The following KLHL6 variants were observed in gnomAD, a reference collection of about 807,000 sequenced individuals.
The protein encoded by KLHL6 is kelch like family member 6.
Under a neutral mutation model 58.6 loss-of-function variants are expected in KLHL6, and 41 were observed. The observed-to-expected ratio is 0.70, with a 90% CI of 0.55 to 0.91. The LOEUF (loss-of-function observed/expected upper bound fraction) is 0.91, where lower values mean the gene tolerates loss of function less well. Among genes scored for constraint, KLHL6 ranks in the 40% least tolerant of loss-of-function variants. The probability of loss-of-function intolerance (pLI) is 0.00; values close to 1 mark genes in which losing one functional copy is unlikely to be tolerated. For missense variants in KLHL6, 714 were observed against 805.6 expected, an observed-to-expected ratio of 0.89 and a Z score of 1.38; for synonymous variants, 338 against 322.7, an observed-to-expected ratio of 1.05 and a Z score of -0.51.
rs1484622190 is a variant in KLHL6, at chr3:183,555,561, G to A, written c.93C>T (p.Pro31=). The A allele has an allele frequency of 5.0e-6, 8 of 1,614,040 alleles. No individual in the cohort carries two copies. Among genetic ancestry groups the A allele is most frequent in the Admixed American group, 1.7e-5 (1 of 60,000 alleles). The change falls in exon 1 of 7, where the codon CCC becomes CCT. Residue 31 remains proline (P), a synonymous_variant. Transcript: ENST00000341319. ...CGACCAAGTCTCCTGTTTTCTGGGA[G>A]GGCTCATCTGTAGAAGGTGCCAGGG... The part of the protein sequence containing the change: ...EGPLAPSTDE[P]SQKTGDLVEI...
chr3:183,513,347 A>T (rs1011155551), intron 2 of KLHL6, among the ~76,000 whole-genome samples: 1 of 152,248 alleles, frequency 6.6e-6, no homozygotes, highest in Non-Finnish European at 1.5e-5. Context: ...GATAGAAGCA[A>T]AGTTTGGACC....
At chr3:183,535,155 G>A (rs1712322968) in intron 1 of KLHL6, among the ~76,000 whole-genome samples, 1 of 152,082 alleles carries the variant, frequency 6.6e-6, no homozygotes, top group South Asian at 2.1e-4. Context: ...ATGTTGGTCA[G>A]GCTGGTCTCA....
intron 1 of KLHL6, among the ~76,000 whole-genome samples, chr3:183,542,971 C>A (rs11922733): frequency 6.6e-6 from 1 of 152,010 alleles, no homozygotes; most frequent in African/African-American, 2.4e-5. Flanking sequence ...TTTTGCATTC[C>A]TTCCCCTCCA....
chr3:183,534,427 A>G lies in KLHL6; in HGVS notation c.294-6417T>C, dbSNP rs138662719. 6.1e-3 allele frequency among the ~76,000 whole-genome samples: 923 copies of G among 152,246 alleles called. 5 individuals carry two copies. Among genetic ancestry groups the G allele is most frequent in the African/African-American group, 0.021 (886 of 41,548 alleles). On this transcript the variant is annotated intron_variant, in intron 1 of 6. Coordinates refer to ENST00000341319, the MANE Select transcript of KLHL6 (RefSeq NM_130446.4). ...TGTTTGTTTGTTTGTTTTTTGAGAC[A>G]GAGTCTCACTCTGTTGCCCAGGCTG...
chr3:183,542,527 T>C (rs1240462847), intron 1 of KLHL6, among the ~76,000 whole-genome samples: 5 of 152,150 alleles, frequency 3.3e-5, no homozygotes, highest in African/African-American at 1.2e-4. Flanking sequence ...CTACTCATCC[T>C]TCAAAACTCC....
intron 2 of KLHL6, among the ~76,000 whole-genome samples, chr3:183,514,125 T>G (rs963970278): frequency 3.3e-5 from 5 of 152,106 alleles, no homozygotes; most frequent in African/African-American, 1.2e-4. Context: ...TGTACAGAGG[T>G]GAGCAGAGAC....
chr3:183,507,067 C>A (rs1718029839), intron 3 of KLHL6, among the ~76,000 whole-genome samples: 2 of 152,092 alleles, frequency 1.3e-5, no homozygotes, highest in South Asian at 4.1e-4. Context: ...GGAGAGGACA[C>A]TAGAGAAGCA....
At chr3:183,500,223 C>T (rs748572836) in intron 3 of KLHL6, among the ~76,000 whole-genome samples, 1 of 152,158 alleles carries the variant, frequency 6.6e-6, no homozygotes, top group Non-Finnish European at 1.5e-5. Flanking sequence ...TCCATTCCCC[C>T]TTGGCTTTAA....
chr3:183,516,220 G>C (rs78325341), intron 2 of KLHL6, among the ~76,000 whole-genome samples: 2 of 152,310 alleles, frequency 1.3e-5, no homozygotes, highest in Non-Finnish European at 2.9e-5. Flanking sequence ...AGTGTGAGGG[G>C]TGTAGGGCAA....
chr3:183,491,816 G>C lies in KLHL6; in HGVS notation c.*111C>G. 1.0e-6 allele frequency: 1 copy of C among 972,410 alleles called. No homozygotes were observed. The highest frequency in any genetic ancestry group is 1.4e-6 in the Non-Finnish European group (1 of 696,030). The allele number at this position is 972,410 out of a possible 1,614,324, so 60.2% of individuals were successfully genotyped here. A position where few individuals can be genotyped will look rare whatever the true frequency, so the allele number is the denominator to read the frequency against. On this transcript the variant is annotated 3_prime_UTR_variant, in exon 7 of 7. Transcript: ENST00000341319. ...CCAAAGTGAGTCAAGGGGATCCCCT[G>C]ATGTATGGCCTCAAACTCGAGCCTG...
chr3:183,507,464 C>G (rs1427437331), intron 3 of KLHL6, among the ~76,000 whole-genome samples: 5 of 152,080 alleles, frequency 3.3e-5, no homozygotes, highest in Non-Finnish European at 1.5e-5. Context: ...CAGAGTCTCC[C>G]TCTGTTGCCC....
At chr3:183,526,614 G>T (rs180799173) in intron 2 of KLHL6, among the ~76,000 whole-genome samples, 1 of 152,210 alleles carries the variant, frequency 6.6e-6, no homozygotes, top group African/African-American at 2.4e-5. Flanking sequence ...ATTTTTTGAG[G>T]CAAGGGATTA....
rs747600879 is a variant in KLHL6, at chr3:183,527,922, C to T, written c.382G>A (p.Asp128Asn). ...VDAETMHTLL[D>N]YTYTSKALIT... ...AGCGCCTTGCTGGTGTACGTGTAGT[C>T]CAACAGAGTGTGCATGGTCTCAGCA... Residue 128 changes from aspartate to asparagine, a missense_variant, in exon 2 of 7, where the codon GAC becomes AAC. By Grantham distance (23) the Asp-to-Asn change is conservative. Around this residue, in one of 2 missense-constraint regions of KLHL6, gnomAD observed 204 missense variants for 175.9 expected, o/e 1.16. Coordinates refer to ENST00000341319, the MANE Select transcript of KLHL6 (RefSeq NM_130446.4). 6.2e-7 allele frequency: 1 copy of T among 1,614,032 alleles called. No homozygotes were observed. The highest frequency in any genetic ancestry group is 8.5e-7 in the Non-Finnish European group (1 of 1,180,002).
chr3:183,508,134 A>C lies in KLHL6; in HGVS notation c.834T>G (p.Asp278Glu), dbSNP rs141077289. ...PWYFVETVEA[D>E]PLIRQCPEVF... is the part of the protein sequence containing the mutation. ...CCTCTGGGCACTGCCTGATGAGAGG[A>C]TCTGCTTCCACCGTCTCCACAAAGT... Residue 278 changes from aspartate (D) to glutamate (E), a missense_variant, in exon 3 of 7, where the codon GAT (aspartate) becomes GAG (glutamate). Coordinates refer to ENST00000341319, the MANE Select transcript of KLHL6 (RefSeq NM_130446.4). 3.7e-6 allele frequency: 6 copies of C among 1,614,000 alleles called. No homozygotes were observed. In the African/African-American group the frequency reaches 6.7e-5, roughly 18 times the overall value.
Position 183,508,350 on chromosome 3 carries a change from G to A in KLHL6, c.618C>T (p.Asn206=). 1 of 1,614,222 alleles carries A rather than the reference G, an allele frequency of 6.2e-7. No homozygotes were observed. The highest frequency in any genetic ancestry group is 8.5e-7 in the Non-Finnish European group (1 of 1,180,034). The change falls in exon 3 of 7, where the codon AAC becomes AAT. Residue 206 remains asparagine, a synonymous_variant. Transcript: ENST00000341319. The part of the protein sequence containing the change: ...YIIQNFVQIL[N]SEEFLDLPVD... ...CGGGCAGGTCAAGAAACTCCTCAGAGTTCAGAATCTGCACAAAGTTTTGAA... is the reference window on the plus strand; with the variant it reads ...CGGGCAGGTCAAGAAACTCCTCAGAATTCAGAATCTGCACAAAGTTTTGAA...
At chr3:183,539,659 A>G (rs570772113) in intron 1 of KLHL6, among the ~76,000 whole-genome samples, 2 of 150,740 alleles carry the variant, frequency 1.3e-5, no homozygotes, top group Non-Finnish European at 2.9e-5. Flanking sequence ...CAGTGAGACA[A>G]GGTCGCACTA....
intron 5 of KLHL6, 150 bp downstream of exon 5, chr3:183,493,929 G>T (rs1717639691): frequency 1.4e-5 from 10 of 712,592 alleles, no homozygotes; most frequent in Non-Finnish European, 1.7e-5. Context: ...TAGCTCCTAG[G>T]AGGAGGGAAG....
chr3:183,527,462 G>A (rs1222353519), intron 2 of KLHL6, among the ~76,000 whole-genome samples: 5 of 152,236 alleles, frequency 3.3e-5, no homozygotes, highest in Admixed American at 6.5e-5. Context: ...CACCACCCTC[G>A]ATGAAACCAG....
intron 2 of KLHL6, among the ~76,000 whole-genome samples, chr3:183,509,734 C>T (rs2108675509): frequency 6.6e-6 from 1 of 152,236 alleles, no homozygotes; most frequent in East Asian, 1.9e-4. Flanking sequence ...CATGCTATAT[C>T]CATTTACACA....
Sources: allele counts gnomAD v4.1 joint callset (sites outside exome capture counted in the v4.1 genomes callset), GRCh38; gene constraint gnomAD v4.1.1; regional missense constraint gnomAD v4.1.1; transcripts MANE v1.5; gene names NCBI Gene and HGNC (gene_info 2026-07-23, HGNC 2026-07-21).